The following CSGALNACT1 variants were observed in gnomAD, a reference collection of about 807,000 sequenced individuals.
CSGALNACT1 encodes the protein chondroitin sulfate N-acetylgalactosaminyltransferase 1, also known as beta4GalNAcT-1.
Under a neutral mutation model 51.0 loss-of-function variants are expected in CSGALNACT1, and 52 were observed. The ratio of observed to expected loss-of-function variants is 1.02; its 90% confidence interval spans 0.82 to 1.29. The LOEUF is 1.29. CSGALNACT1 is among the 50% of genes most tolerant of loss of function. The pLI is 0.00. For synonymous variants in CSGALNACT1, 341 were observed against 254.4 expected (o/e 1.34, Z -3.24); for missense variants, 935 against 679.2 (o/e 1.38, Z -4.19).
chr8:19,564,748 T>G lies in CSGALNACT1; in HGVS notation c.-297+26412A>C, dbSNP rs118168435. On this transcript the variant is annotated intron_variant, in intron 3 of 9. Transcript: ENST00000454498. ...TTGCTCACTCTGTAGCACATTTCAT[T>G]CTAATTCTCTGCATAGCACTTTTTC... Among the ~76,000 whole-genome samples the G allele has an allele frequency of 4.2e-3, 640 of 152,324 alleles. 1 individual carries two copies. Among genetic ancestry groups the G allele is most frequent in the Non-Finnish European group, 6.9e-3 (472 of 68,030 alleles).
At chr8:19,648,127 A>C (rs898706851) in intron 1 of CSGALNACT1, among the ~76,000 whole-genome samples, 3 of 152,216 alleles carry the variant, frequency 2.0e-5, no homozygotes, top group African/African-American at 7.2e-5. Context: ...CATATTATAC[A>C]GTTCCTCTAA....
intron 4 of CSGALNACT1, among the ~76,000 whole-genome samples, chr8:19,461,761 A>G (rs149107289): frequency 0.11 from 7,386 of 65,520 alleles, 691 homozygotes; most frequent in East Asian, 0.36. Context: ...TTCACCATGG[A>G]GGGCGTATCT....
chr8:19,534,019 G>A (rs753868217), intron 3 of CSGALNACT1, among the ~76,000 whole-genome samples: 2 of 152,054 alleles, frequency 1.3e-5, no homozygotes, highest in Non-Finnish European at 2.9e-5. Flanking sequence ...CTCAGATGCA[G>A]AATTTGGTCT....
intron 1 of CSGALNACT1, among the ~76,000 whole-genome samples, chr8:19,613,575 T>C (rs1170472979): frequency 6.6e-6 from 1 of 152,274 alleles, no homozygotes; most frequent in Non-Finnish European, 1.5e-5. Context: ...GCTCGTTGTT[T>C]CCACACATGA....
chr8:19,488,558 G>A (rs2073634324), intron 4 of CSGALNACT1, among the ~76,000 whole-genome samples: 1 of 151,808 alleles, frequency 6.6e-6, no homozygotes, highest in African/African-American at 2.4e-5. Context: ...GTATCTCAGA[G>A]AAAATCAACT....
At position 19,444,733 on chromosome 8, in the gene CSGALNACT1, G is replaced by A. The variant is rs916353016; in HGVS notation, c.852-4802C>T. 6.6e-5 allele frequency among the ~76,000 whole-genome samples: 10 copies of A among 152,292 alleles called. No homozygotes were observed. In the East Asian group the frequency reaches 1.4e-3, roughly 21 times the overall value. ...TAAATCCACAGCAATAGAAGACACG[G>A]TTCTTGCCCTCATAACACTTACTTA... On this transcript the variant is annotated intron_variant, in intron 5 of 9. Transcript: ENST00000454498.
Position 19,505,954 on chromosome 8 carries a change from A to C in CSGALNACT1, c.-120T>G. On this transcript the variant is annotated 5_prime_UTR_variant, in exon 4 of 10. An upstream start codon of the reference 5' UTR is lost. Coordinates refer to ENST00000454498, the Ensembl canonical transcript of CSGALNACT1. Reference sequence around the variant, plus strand: ...GTTTGGGGCCCCCGGAGCTGCTTGCATCCATTTCCTTCTAGAACGAGTTCT... The same window carrying C: ...GTTTGGGGCCCCCGGAGCTGCTTGCCTCCATTTCCTTCTAGAACGAGTTCT... The C allele has an allele frequency of 8.7e-7, 1 of 1,149,746 alleles. No homozygotes were observed. Among genetic ancestry groups the C allele is most frequent in the Non-Finnish European group, 1.3e-6 (1 of 788,162 alleles). 71.2% of individuals were successfully genotyped at this position (1,149,746 alleles called of 1,614,324 possible).
At chr8:19,613,288 G>A (rs7825912) in intron 1 of CSGALNACT1, among the ~76,000 whole-genome samples, 146,437 of 152,310 alleles carry the variant, frequency 0.96, 70,440 homozygotes, top group Middle Eastern at 0.99. Flanking sequence ...TCTATTTAGT[G>A]CTTTGTTTTT....
At chr8:19,555,367 G>C (rs541716796) in intron 3 of CSGALNACT1, among the ~76,000 whole-genome samples, 1 of 152,294 alleles carries the variant, frequency 6.6e-6, no homozygotes, top group South Asian at 2.1e-4. Context: ...AGGAATGTTT[G>C]TTGTGATGCA....
At chr8:19,674,547 G>A (rs2060030236) in intron 1 of CSGALNACT1, among the ~76,000 whole-genome samples, 1 of 152,146 alleles carries the variant, frequency 6.6e-6, no homozygotes, top group Non-Finnish European at 1.5e-5. Flanking sequence ...AGTGGGAAAA[G>A]GCAGGAATGG....
intron 3 of CSGALNACT1, among the ~76,000 whole-genome samples, chr8:19,507,007 A>G (rs962682584): frequency 2.0e-5 from 3 of 152,194 alleles, no homozygotes; most frequent in African/African-American, 7.2e-5. Flanking sequence ...ACTCACTTAG[A>G]GCAGGCCTGA....
At chr8:19,704,939 T>C (rs2062074195) in intron 1 of CSGALNACT1, among the ~76,000 whole-genome samples, 1 of 152,060 alleles carries the variant, frequency 6.6e-6, no homozygotes, top group Non-Finnish European at 1.5e-5. Flanking sequence ...GAAAACAGAG[T>C]TGGGAAATGG....
upstream of CSGALNACT1, among the ~76,000 whole-genome samples, chr8:19,687,403 T>C (rs2061036689): frequency 1.3e-5 from 2 of 152,198 alleles, no homozygotes; most frequent in South Asian, 4.1e-4. Context: ...CCAAAAGAGA[T>C]GCCCCACTAA....
intron 1 of CSGALNACT1, among the ~76,000 whole-genome samples, chr8:19,661,974 C>T (rs1403209960): frequency 3.3e-5 from 5 of 151,608 alleles, no homozygotes; most frequent in African/African-American, 1.2e-4. Flanking sequence ...CATTCCCCTT[C>T]CTGGTGTTCA....
rs986238072 is a variant in CSGALNACT1 at position 19,449,169 on chromosome 8, C to T, written c.852-9238G>A. ...AAAATGAGATCATTTTCCATTTGGT[C>T]ATTTTTTACTCTTGGATGGATGTTC... On this transcript the variant is annotated intron_variant, in intron 5 of 9. Transcript: ENST00000454498. 3.3e-5 allele frequency among the ~76,000 whole-genome samples: 5 copies of T among 152,118 alleles called. 1 individual carries two copies. The highest frequency in any genetic ancestry group is 4.1e-4 in the South Asian group (2 of 4,828).
At chr8:19,675,593 A>G (rs77497188) in intron 1 of CSGALNACT1, among the ~76,000 whole-genome samples, 7 of 152,230 alleles carry the variant, frequency 4.6e-5, no homozygotes, top group East Asian at 1.9e-4. Context: ...CCTGAGTTCA[A>G]GTGATTCTCC....
At chr8:19,738,946 C>A (rs1325628418) in intron 1 of CSGALNACT1, among the ~76,000 whole-genome samples, 1 of 152,198 alleles carries the variant, frequency 6.6e-6, no homozygotes, top group South Asian at 2.1e-4. Flanking sequence ...AGAGACTAAA[C>A]AATCAAATGC....
At chr8:19,504,176 A>T (rs1371351666) in intron 4 of CSGALNACT1, among the ~76,000 whole-genome samples, 1 of 152,130 alleles carries the variant, frequency 6.6e-6, no homozygotes, top group Non-Finnish European at 1.5e-5. Flanking sequence ...TCCTGGGTTC[A>T]CGCCATTCTC....
chr8:19,592,888 A>T (rs985020204), intron 2 of CSGALNACT1, among the ~76,000 whole-genome samples: 1 of 152,214 alleles, frequency 6.6e-6, no homozygotes, highest in African/African-American at 2.4e-5. Flanking sequence ...TCTTATACAG[A>T]CCATACCCCA....
Sources: allele counts gnomAD v4.1 joint callset (sites outside exome capture counted in the v4.1 genomes callset), GRCh38; gene constraint gnomAD v4.1.1; transcripts MANE v1.5; gene names NCBI Gene and HGNC (gene_info 2026-07-23, HGNC 2026-07-21).